PLOD2: variants seen among roughly 807,000 people sequenced by gnomAD.
PLOD2 encodes the protein procollagen-lysine,2-oxoglutarate 5-dioxygenase 2.
A neutral mutation model predicts 101.0 loss-of-function variants in PLOD2; 65 were observed. That is an observed-to-expected ratio of 0.64 (90% CI 0.53 to 0.79). PLOD2 has a LOEUF of 0.79. PLOD2 is among the 30% of genes least tolerant of loss of function. The pLI is 0.00. For synonymous variants in PLOD2, 314 were observed against 302.9 expected, an observed-to-expected ratio of 1.04 and a Z score of -0.38; for missense variants, 909 against 914.6, an observed-to-expected ratio of 0.99 and a Z score of 0.08.
intron 1 of PLOD2, among the ~76,000 whole-genome samples, chr3:146,140,700 T>A (rs2031480887): frequency 6.6e-6 from 1 of 152,136 alleles, no homozygotes; most frequent in Non-Finnish European, 1.5e-5. Context: ...GCCTTTCAAC[T>A]TTCTCTAAAC....
intron 1 of PLOD2, among the ~76,000 whole-genome samples, chr3:146,155,225 T>C (rs962396652): frequency 3.3e-5 from 5 of 151,918 alleles, no homozygotes; most frequent in Admixed American, 2.6e-4. Context: ...GAGGCTGAGG[T>C]GATAAGCAGG....
intron 1 of PLOD2, among the ~76,000 whole-genome samples, chr3:146,156,136 CTA>C (rs2032296208): frequency 1.3e-5 from 2 of 152,218 alleles, no homozygotes; most frequent in South Asian, 4.1e-4. Flanking sequence ...CAGAGAAACT[CTA>C]TGTTTGAACG....
intron 8 of PLOD2, among the ~76,000 whole-genome samples, chr3:146,090,255 C>T (rs1410721693): frequency 6.6e-6 from 1 of 151,270 alleles, no homozygotes; most frequent in Non-Finnish European, 1.5e-5. Context: ...TGGGATTTAA[C>T]TACCTACACA....
chr3:146,147,601 C>A (rs1048448031), intron 1 of PLOD2, among the ~76,000 whole-genome samples: 1 of 151,998 alleles, frequency 6.6e-6, no homozygotes, highest in African/African-American at 2.4e-5. Context: ...TGGACTCAAC[C>A]GACAGGATGC....
Position 146,161,155 on chromosome 3 carries a change from G to T in PLOD2, c.-166C>A. ...CCGGAGCGGCGCGTAACGCAGCTGA[G>T]TGAGGTCGTCGGTGGAGGCACGGAG... On this transcript the variant is annotated 5_prime_UTR_variant, in exon 1 of 20. Coordinates refer to ENST00000282903, the MANE Select transcript of PLOD2 (RefSeq NM_182943.3). 2.4e-6 allele frequency: 1 copy of T among 414,092 alleles called. No homozygotes were observed. The allele number at this position is 414,092 out of a possible 1,614,324, so 25.7% of individuals were successfully genotyped here.
chr3:146,156,995 G>A (rs56842856), intron 1 of PLOD2, among the ~76,000 whole-genome samples: 47,565 of 152,014 alleles, frequency 0.31, 7,838 homozygotes, highest in South Asian at 0.42. Context: ...CAGGTAAAGC[G>A]GGAAATACAA....
At chr3:146,139,229 TGAA>T (rs902944740) in intron 1 of PLOD2, among the ~76,000 whole-genome samples, 1 of 152,134 alleles carries the variant, frequency 6.6e-6, no homozygotes, top group African/African-American at 2.4e-5. Flanking sequence ...AAAAGAGCAG[TGAA>T]GAAGGATTCC....
Position 146,078,663 on chromosome 3 carries a change from A to G in PLOD2, c.1500+453T>C, listed in dbSNP as rs1000709000. Among the ~76,000 whole-genome samples the G allele has an allele frequency of 2.0e-5, 3 of 151,890 alleles. No individual in the cohort carries two copies. In the East Asian group the frequency reaches 5.8e-4, roughly 29 times the overall value. On this transcript the variant is annotated intron_variant, in intron 13 of 19. Coordinates refer to ENST00000282903, the MANE Select transcript of PLOD2 (RefSeq NM_182943.3). ...ATAATCCTGCTTTCTAAGAATGTGA[A>G]GTTAATAATAATTTTAAAATTTTAC...
rs1464664114 is a variant in PLOD2, at chr3:146,137,792, T to C, written c.110-13563A>G. ...AGATGCGGATGACGCTCAACAGGGATCACACTAAAAAAAATACCATCCTAG... is the reference window on the plus strand; with the variant it reads ...AGATGCGGATGACGCTCAACAGGGACCACACTAAAAAAAATACCATCCTAG... On this transcript the variant is annotated intron_variant, in intron 1 of 19. Coordinates refer to ENST00000282903, the MANE Select transcript of PLOD2 (RefSeq NM_182943.3). 6.6e-5 allele frequency among the ~76,000 whole-genome samples: 10 copies of C among 151,778 alleles called. 1 individual carries two copies. Among genetic ancestry groups the C allele is most frequent in the Non-Finnish European group, 1.2e-4 (8 of 67,944 alleles).
rs556131443 is a variant in PLOD2, at chr3:146,088,925, G to A, written c.880-214C>T. Reference sequence around the variant, plus strand: ...AGTGATTTTACTGAATCCCATCTTGGTTATGAGTTAGGTTTAAAGATGAAA... The same window carrying A: ...AGTGATTTTACTGAATCCCATCTTGATTATGAGTTAGGTTTAAAGATGAAA... On this transcript the variant is annotated intron_variant, in intron 8 of 19. Coordinates refer to ENST00000282903, the MANE Select transcript of PLOD2 (RefSeq NM_182943.3). 1.5e-4 allele frequency: 77 copies of A among 529,220 alleles called. No individual in the cohort carries two copies. The East Asian group carries it at 1.5e-3, about 11-fold the overall frequency. The allele number at this position is 529,220 out of a possible 1,614,324, so 32.8% of individuals were successfully genotyped here.
intron 1 of PLOD2, among the ~76,000 whole-genome samples, chr3:146,152,432 T>A (rs1336659329): frequency 6.6e-6 from 1 of 151,906 alleles, no homozygotes; most frequent in Non-Finnish European, 1.5e-5. Flanking sequence ...AAAAAAAAAA[T>A]TCTATCTAGT....
In PLOD2 at chr3:146,107,890, C is replaced by T. The variant is rs556627134; in HGVS notation, c.503-1246G>A. 6.6e-5 allele frequency among the ~76,000 whole-genome samples: 10 copies of T among 151,812 alleles called. No homozygotes were observed. In the East Asian group the frequency reaches 9.7e-4, roughly 15 times the overall value. On this transcript the variant is annotated intron_variant, in intron 4 of 19. Coordinates refer to ENST00000282903, the MANE Select transcript of PLOD2 (RefSeq NM_182943.3). The stretch of plus-strand genomic sequence containing the variant: ...AACTCCTGACCTCAGGTGATCTGCC[C>T]GCCTCAGCCTCCCAAAGTGCTGAGA...
chr3:146,129,656 T>A (rs10935604), intron 1 of PLOD2, among the ~76,000 whole-genome samples: 27,316 of 152,154 alleles, frequency 0.18, 2,952 homozygotes, highest in South Asian at 0.26. Context: ...AAAGGATGCA[T>A]GTGCAAGATA....
chr3:146,086,415 T>G (rs1268776888), intron 10 of PLOD2: 3 of 158,774 alleles, frequency 1.9e-5, no homozygotes, highest in Non-Finnish European at 2.7e-5. Flanking sequence ...GAGCACCTGT[T>G]TCCCCCACAG....
intron 1 of PLOD2, among the ~76,000 whole-genome samples, chr3:146,135,216 A>C (rs1321387555): frequency 6.6e-6 from 1 of 152,186 alleles, no homozygotes; most frequent in Admixed American, 6.5e-5. Context: ...CAGTTTTGGC[A>C]GCTCAGAATC....
chr3:146,071,307 T>C lies in PLOD2; in HGVS notation c.1965A>G (p.Thr655=), dbSNP rs1936121000. ...HFIREFIAPV[T]LKVFAGYYTK... is the part of the protein sequence containing the mutation. ...TATAATAGCCTGCAAAGACCTTCAGTGTAACTGGTGCAATGAACTCCCGGA... is the reference window on the plus strand; with the variant it reads ...TATAATAGCCTGCAAAGACCTTCAGCGTAACTGGTGCAATGAACTCCCGGA... The change falls in exon 18 of 20, where the codon ACA becomes ACG. Residue 655 remains threonine (T), a synonymous_variant. Coordinates refer to ENST00000282903, the MANE Select transcript of PLOD2 (RefSeq NM_182943.3). The C allele has an allele frequency of 1.2e-6, 2 of 1,612,162 alleles. No homozygotes were observed. The highest frequency in any genetic ancestry group is 2.2e-5 in the East Asian group (1 of 44,806).
At chr3:146,106,441 A>C (rs1248122740) in intron 5 of PLOD2, 91 bp downstream of exon 5, 1 of 767,042 alleles carries the variant, frequency 1.3e-6, no homozygotes, top group Non-Finnish European at 2.4e-6. Flanking sequence ...TACTATCATA[A>C]AACCTTTGTT....
intron 7 of PLOD2, among the ~76,000 whole-genome samples, chr3:146,101,010 G>A (rs1053723078): frequency 1.3e-5 from 2 of 152,180 alleles, no homozygotes; most frequent in Non-Finnish European, 1.5e-5. Flanking sequence ...ATGCACAGGA[G>A]TTAGAACAGA....
intron 8 of PLOD2, among the ~76,000 whole-genome samples, chr3:146,089,010 T>C (rs1936885931): frequency 2.0e-5 from 3 of 151,582 alleles, no homozygotes; most frequent in Admixed American, 2.0e-4. Flanking sequence ...AGTCAGTGCT[T>C]CCTTTAAAAT....
Sources: gnomAD v4.1 joint callset for allele counts (sites outside exome capture counted in the v4.1 genomes callset) on GRCh38, gnomAD v4.1.1 for gene constraint, MANE v1.5 for transcripts, NCBI Gene and HGNC (gene_info 2026-07-23, HGNC 2026-07-21) for gene names.